Variants in CNTN3 observed in about 807,000 individuals in gnomAD.
CNTN3 encodes the protein contactin-3.
In CNTN3, 60 loss-of-function variants were observed where a neutral mutation model predicts 119.1. That is an observed-to-expected ratio of 0.50 (90% CI 0.41 to 0.62). The LOEUF (loss-of-function observed/expected upper bound fraction) is 0.62, where lower values mean the gene tolerates loss of function less well. CNTN3 is among the 20% of genes least tolerant of loss of function. The pLI, the probability that CNTN3 is intolerant of heterozygous loss-of-function variation, is 0.00. For synonymous variants in CNTN3, 450 were observed against 438.7 expected (o/e 1.03, Z -0.32); for missense variants, 1,101 against 1,242.4 (o/e 0.89, Z 1.71).
chr3:74,288,759 G>T lies in CNTN3; in HGVS notation c.2518-3268C>A, dbSNP rs559767337. Among the ~76,000 whole-genome samples, 3 of 152,248 alleles carry T rather than the reference G, an allele frequency of 2.0e-5. No individual in the cohort carries two copies. In the East Asian group the frequency reaches 5.8e-4, roughly 29 times the overall value. On this transcript the variant is annotated intron_variant, in intron 19 of 22. Coordinates refer to ENST00000263665, the MANE Select transcript of CNTN3 (RefSeq NM_020872.3). ...CTGTAGATACTGCACTAGAACGTGGGAGCTTTCATTCCTCAGGCACCCAGG... is the reference window on the plus strand; with the variant it reads ...CTGTAGATACTGCACTAGAACGTGGTAGCTTTCATTCCTCAGGCACCCAGG...
chr3:74,460,705 C>A (rs972895916), intron 4 of CNTN3, among the ~76,000 whole-genome samples: 3 of 144,446 alleles, frequency 2.1e-5, no homozygotes, highest in Non-Finnish European at 4.5e-5. Context: ...TTACAGTTAT[C>A]CTCTAAAAGT....
At chr3:74,282,926 T>G (rs1702042661) in intron 20 of CNTN3, among the ~76,000 whole-genome samples, 1 of 152,132 alleles carries the variant, frequency 6.6e-6, no homozygotes. Flanking sequence ...AAATTGTCCT[T>G]AATAACATCT....
chr3:74,328,162 C>G (rs1703174681), intron 13 of CNTN3, among the ~76,000 whole-genome samples: 1 of 151,822 alleles, frequency 6.6e-6, no homozygotes, highest in African/African-American at 2.4e-5. Flanking sequence ...ATTACAGTAT[C>G]AAAATAATCT....
At chr3:74,545,220 CTAT>C (rs1358763459) in intron 1 of CNTN3, among the ~76,000 whole-genome samples, 3 of 152,106 alleles carry the variant, frequency 2.0e-5, no homozygotes, top group Non-Finnish European at 4.4e-5. Context: ...ATTAGGATGT[CTAT>C]TATTTGTTTT....
At position 74,263,426 on chromosome 3, in the gene CNTN3, T is replaced by G. The variant is rs1220982304; in HGVS notation, c.*975A>C. 1 of 152,154 alleles carries G rather than the reference T, an allele frequency of 6.6e-6. No individual in the cohort carries two copies. The highest frequency in any genetic ancestry group is 1.5e-5 in the Non-Finnish European group (1 of 68,000). The allele number at this position is 152,154 out of a possible 1,614,324, so 9.4% of individuals were successfully genotyped here. A position where few individuals can be genotyped will look rare whatever the true frequency, so the allele number is the denominator to read the frequency against. ...TGTGGATTTTGTTTAATATTTGGGTTGAGATTCAGGTCATTCCTGATTTTT... is the reference window on the plus strand; with the variant it reads ...TGTGGATTTTGTTTAATATTTGGGTGGAGATTCAGGTCATTCCTGATTTTT... On this transcript the variant is annotated 3_prime_UTR_variant, in exon 23 of 23. Transcript: ENST00000263665.
At chr3:74,519,357 T>A (rs1703504536) in intron 2 of CNTN3, among the ~76,000 whole-genome samples, 1 of 151,846 alleles carries the variant, frequency 6.6e-6, no homozygotes, top group East Asian at 1.9e-4. Flanking sequence ...GGACACTGCT[T>A]TTTCTATATA....
intron 4 of CNTN3, among the ~76,000 whole-genome samples, chr3:74,478,313 T>C (rs1166882329): frequency 3.9e-5 from 6 of 152,008 alleles, no homozygotes; most frequent in Non-Finnish European, 7.4e-5. Context: ...GAAGCTGTGG[T>C]TAGGAATCCA....
At chr3:74,313,092 T>G (rs1702735840) in intron 13 of CNTN3, among the ~76,000 whole-genome samples, 1 of 150,388 alleles carries the variant, frequency 6.6e-6, no homozygotes, top group Non-Finnish European at 1.5e-5. Flanking sequence ...GAGAAAAAAT[T>G]TCTGAGCTCA....
At position 74,578,227 on chromosome 3, in the gene CNTN3, G is replaced by C. The variant is rs1704449148; in HGVS notation, c.-81+36164C>G. ...CTCTGGTTATAAGATGTTTTTTTAA[G>C]CTGAAACTATACCAATACTACTGGA... On this transcript the variant is annotated intron_variant, in intron 1 of 22. Coordinates refer to ENST00000263665, the MANE Select transcript of CNTN3 (RefSeq NM_020872.3). 2.0e-5 allele frequency among the ~76,000 whole-genome samples: 3 copies of C among 151,874 alleles called. 1 individual carries two copies. The highest frequency in any genetic ancestry group is 7.2e-5 in the African/African-American group (3 of 41,476).
At chr3:74,309,685 G>T (rs896868490) in intron 13 of CNTN3, among the ~76,000 whole-genome samples, 2 of 152,136 alleles carry the variant, frequency 1.3e-5, no homozygotes, top group Non-Finnish European at 2.9e-5. Context: ...CTGGGATATT[G>T]CATTCCTCAT....
chr3:74,514,108 G>T (rs757197949), intron 2 of CNTN3, among the ~76,000 whole-genome samples: 10 of 152,012 alleles, frequency 6.6e-5, no homozygotes, highest in African/African-American at 2.4e-5. Context: ...ATTGAGGAAA[G>T]ATGTCATATT....
chr3:74,441,521 T>C (rs1433657448), intron 4 of CNTN3, among the ~76,000 whole-genome samples: 2 of 152,206 alleles, frequency 1.3e-5, no homozygotes, highest in African/African-American at 4.8e-5. Context: ...GACACATGGA[T>C]ACATTAGTTT....
At chr3:74,363,373 T>C (rs903334053) in intron 10 of CNTN3, among the ~76,000 whole-genome samples, 1 of 152,158 alleles carries the variant, frequency 6.6e-6, no homozygotes, top group Non-Finnish European at 1.5e-5. Context: ...AGCTATTTTG[T>C]GCACTGTAGG....
At chr3:74,552,647 C>T (rs1455495967) in intron 1 of CNTN3, among the ~76,000 whole-genome samples, 1 of 152,144 alleles carries the variant, frequency 6.6e-6, no homozygotes, top group Non-Finnish European at 1.5e-5. Context: ...CTACCGAAAT[C>T]TCATCTCAAA....
At chr3:74,330,909 T>C (rs1318442756) in intron 13 of CNTN3, among the ~76,000 whole-genome samples, 1 of 152,150 alleles carries the variant, frequency 6.6e-6, no homozygotes, top group Non-Finnish European at 1.5e-5. Flanking sequence ...AATAAAATAT[T>C]TTTGTATAGC....
intron 20 of CNTN3, among the ~76,000 whole-genome samples, chr3:74,269,061 CAA>C (rs1184956646): frequency 2.2e-5 from 3 of 134,666 alleles, no homozygotes; most frequent in African/African-American, 5.7e-5. Context: ...AAAAAAAAAA[CAA>C]AAAAAAAGGA....
intron 11 of CNTN3, 62 bp downstream of exon 11, chr3:74,361,828 G>A: frequency 6.7e-7 from 1 of 1,494,688 alleles, no homozygotes; most frequent in Non-Finnish European, 9.0e-7. Flanking sequence ...TAAAACCTAT[G>A]TTGACATCAG....
chr3:74,290,117 A>G (rs1420710160), intron 19 of CNTN3, among the ~76,000 whole-genome samples: 4 of 152,202 alleles, frequency 2.6e-5, no homozygotes, highest in Non-Finnish European at 4.4e-5. Flanking sequence ...TTACGATGAC[A>G]GGGATACATT....
intron 4 of CNTN3, among the ~76,000 whole-genome samples, chr3:74,462,588 G>A (rs187493623): frequency 6.6e-6 from 1 of 152,174 alleles, no homozygotes; most frequent in East Asian, 1.9e-4. Flanking sequence ...ATGCCAACCA[G>A]TCCTGCTCCG....
Sources: allele counts gnomAD v4.1 joint callset (sites outside exome capture counted in the v4.1 genomes callset), GRCh38; gene constraint gnomAD v4.1.1; transcripts MANE v1.5; gene names NCBI Gene and HGNC (gene_info 2026-07-23, HGNC 2026-07-21).